CX3CR1: variants seen among roughly 807,000 people sequenced by gnomAD.
CX3CR1 encodes the protein CX3C chemokine receptor 1.
For missense variants in CX3CR1, 363 were observed against 432.4 expected (o/e 0.84, Z 1.42); for synonymous variants, 168 against 178.5 (o/e 0.94, Z 0.47).
intron 1 of CX3CR1, among the ~76,000 whole-genome samples, chr3:39,274,223 C>A (rs921464624): frequency 9.7e-4 from 148 of 152,248 alleles, no homozygotes; most frequent in African/African-American, 3.4e-3. Context: ...TGATGGTTTT[C>A]TCATTTATGA....
intron 1 of CX3CR1, chr3:39,266,733 T>A: frequency 1.3e-6 from 1 of 743,360 alleles, no homozygotes; most frequent in Non-Finnish European, 2.5e-6. Context: ...GGCGGACTCC[T>A]TTGACTTGCC....
At chr3:39,272,346 C>G (rs2040787422) in intron 1 of CX3CR1, among the ~76,000 whole-genome samples, 1 of 152,190 alleles carries the variant, frequency 6.6e-6, no homozygotes, top group South Asian at 2.1e-4. Context: ...GTTTCACACC[C>G]AAGTAGAAAT....
At chr3:39,279,708 T>C (rs1388872586) in intron 1 of CX3CR1, among the ~76,000 whole-genome samples, 4 of 152,218 alleles carry the variant, frequency 2.6e-5, no homozygotes, top group African/African-American at 9.6e-5. Flanking sequence ...ATCATGAGCT[T>C]TTCTCCATGT....
upstream of CX3CR1, chr3:39,281,622 C>T: frequency 6.3e-7 from 1 of 1,599,404 alleles, no homozygotes; most frequent in Non-Finnish European, 8.5e-7. Context: ...ACTGGCCATT[C>T]TCCACCCAGA....
the CX3CR1 span, among the ~76,000 whole-genome samples, chr3:39,292,498 G>A: frequency 1.3e-5 from 2 of 152,306 alleles, no homozygotes; most frequent in African/African-American, 2.4e-5. Context: ...GCAAAGCAGG[G>A]TTTTTTAGGG....
upstream of CX3CR1, among the ~76,000 whole-genome samples, chr3:39,282,068 A>T (rs1229733966): frequency 6.6e-6 from 1 of 152,220 alleles, no homozygotes; most frequent in East Asian, 1.9e-4. Context: ...TATAGCAAGC[A>T]GTAAGCAAGT....
At position 39,266,410 on chromosome 3, in the gene CX3CR1, G is replaced by A; in HGVS notation, c.100C>T (p.Leu34=). The A allele has an allele frequency of 6.2e-7, 1 of 1,614,184 alleles. No individual in the cohort carries two copies. Residue 34 remains leucine (L), a synonymous_variant, in exon 2 of 2, where the codon CTG becomes TTG. Transcript: ENST00000399220. The part of the protein sequence containing the change: ...GDIVVFGTVF[L]SIFYSVIFAI... ...AAGATGACGGAGTAGAATATGGACA[G>A]GAACACAGTCCCAAAGACCACGATG...
chr3:39,265,618 C>A lies in CX3CR1; in HGVS notation c.892G>T (p.Glu298Ter). Residue 298 changes from glutamate to a stop codon, truncating the protein, a stop_gained, in exon 2 of 2, where the codon GAG becomes TAG. Transcript: ENST00000399220. LOFTEE classifies it low-confidence loss of function (END_TRUNC). ...LNPLIYAFAG[E>*]KFRRYLYHLY... ...TGGTAAAGGTATCTTCTGAACTTCT[C>A]CCCAGCAAATGCATAGATGAGAGGA... The A allele has an allele frequency of 6.2e-7, 1 of 1,614,188 alleles. No homozygotes were observed. The highest frequency in any genetic ancestry group is 1.1e-5 in the South Asian group (1 of 91,082).
chr3:39,283,669 A>G (rs924604677), upstream of CX3CR1, among the ~76,000 whole-genome samples: 1 of 150,602 alleles, frequency 6.6e-6, no homozygotes, highest in Non-Finnish European at 1.5e-5. Context: ...AATCCCAACT[A>G]CTTGGGAGGC....
chr3:39,290,371 A>T, the CX3CR1 span, among the ~76,000 whole-genome samples: 1 of 152,186 alleles, frequency 6.6e-6, no homozygotes, highest in Admixed American at 6.5e-5. Flanking sequence ...GTGGTTGTGG[A>T]GTGGTCTTCT....
intron 1 of CX3CR1, among the ~76,000 whole-genome samples, chr3:39,276,087 G>GAA (rs2040837160): frequency 6.6e-6 from 1 of 152,210 alleles, no homozygotes; most frequent in Non-Finnish European, 1.5e-5. Flanking sequence ...GCCAGGCAGA[G>GAA]GGAAATAGGA....
At chr3:39,275,814 T>C (rs2040833863) in intron 1 of CX3CR1, among the ~76,000 whole-genome samples, 1 of 152,104 alleles carries the variant, frequency 6.6e-6, no homozygotes, top group Non-Finnish European at 1.5e-5. Flanking sequence ...TAGAAGTGTT[T>C]ATTATTGCTC....
chr3:39,267,421 A>G (rs2040717579), intron 1 of CX3CR1, among the ~76,000 whole-genome samples: 1 of 152,136 alleles, frequency 6.6e-6, no homozygotes, highest in African/African-American at 2.4e-5. Context: ...GTTTTTTGAG[A>G]ACCATTTCAC....
rs1183016307 is a variant in CX3CR1, at chr3:39,265,055, G to A, written c.*387C>T. The stretch of plus-strand genomic sequence containing the variant: ...ATGACTAAAAGATTTGAGAGTCAGA[G>A]AGAGGGAATTCTAGCTTGGCTCAGG... On this transcript the variant is annotated 3_prime_UTR_variant, in exon 2 of 2. Transcript: ENST00000399220. 1 of 171,050 alleles carries A rather than the reference G, an allele frequency of 5.8e-6. No individual in the cohort carries two copies. Among genetic ancestry groups the A allele is most frequent in the Non-Finnish European group, 1.2e-5 (1 of 80,840 alleles). 10.6% of individuals were successfully genotyped at this position (171,050 alleles called of 1,614,324 possible). A position where few individuals can be genotyped will look rare whatever the true frequency, so the allele number is the denominator to read the frequency against.
chr3:39,275,235 A>C (rs1261472008), intron 1 of CX3CR1, among the ~76,000 whole-genome samples: 1 of 152,164 alleles, frequency 6.6e-6, no homozygotes, highest in Non-Finnish European at 1.5e-5. Context: ...GCTTTTTGTC[A>C]GCTTTATGAG....
rs548178853 is a variant in CX3CR1 at position 39,266,312 on chromosome 3, G to A, written c.198C>T (p.Thr66=). 2.3e-5 allele frequency: 37 copies of A among 1,614,140 alleles called. No homozygotes were observed. The East Asian group carries it at 3.6e-4, about 16-fold the overall frequency. The part of the protein sequence containing the change: ...LTNSKKPKSV[T]DIYLLNLALS... Reference sequence around the variant, plus strand: ...AGGCCAGGTTCAGGAGGTAAATGTCGGTGACACTCTTGGGCTTCTTGCTGT... The same window carrying A: ...AGGCCAGGTTCAGGAGGTAAATGTCAGTGACACTCTTGGGCTTCTTGCTGT... The change falls in exon 2 of 2, where the codon ACC becomes ACT. Residue 66 remains threonine, a synonymous_variant. Coordinates refer to ENST00000399220, the MANE Select transcript of CX3CR1 (RefSeq NM_001337.4).
Position 39,266,148 on chromosome 3 carries a change from G to C in CX3CR1, c.362C>G (p.Thr121Ser). Residue 121 changes from threonine to serine, a missense_variant, in exon 2 of 2, where the codon ACC becomes AGC. By Grantham distance (58) the Thr-to-Ser change is moderately conservative. Coordinates refer to ENST00000399220, the MANE Select transcript of CX3CR1 (RefSeq NM_001337.4). Reference sequence around the variant, plus strand: ...CAGGTACCTATCAATGCTGATGACGGTGATGAAGAATATGCTTCCAAAAAA... The same window carrying C: ...CAGGTACCTATCAATGCTGATGACGCTGATGAAGAATATGCTTCCAAAAAA... ...IGFFGSIFFI[T>S]VISIDRYLAI... The C allele has an allele frequency of 6.2e-7, 1 of 1,614,206 alleles. No individual in the cohort carries two copies. Among genetic ancestry groups the C allele is most frequent in the African/African-American group, 1.3e-5 (1 of 75,036 alleles).
chr3:39,267,330 T>A (rs558799017), intron 1 of CX3CR1, among the ~76,000 whole-genome samples: 4 of 152,120 alleles, frequency 2.6e-5, no homozygotes, highest in Non-Finnish European at 5.9e-5. Flanking sequence ...GGCCCCTTAC[T>A]TTTCCATGAA....
intron 1 of CX3CR1, among the ~76,000 whole-genome samples, chr3:39,277,546 A>C (rs72865917): frequency 6.6e-6 from 1 of 152,090 alleles, no homozygotes; most frequent in African/African-American, 2.4e-5. Flanking sequence ...GCTGGTTCCA[A>C]ACGTCTCTGG....
Sources: allele counts gnomAD v4.1 joint callset (sites outside exome capture counted in the v4.1 genomes callset), GRCh38; gene constraint gnomAD v4.1.1; transcripts MANE v1.5; gene names NCBI Gene and HGNC (gene_info 2026-07-23, HGNC 2026-07-21).